Variants in NCKAP5L observed in about 807,000 individuals in gnomAD.
The protein encoded by NCKAP5L is nck-associated protein 5-like.
A neutral mutation model predicts 103.2 loss-of-function variants in NCKAP5L; 54 were observed. The ratio of observed to expected loss-of-function variants is 0.52; its 90% CI spans 0.42 to 0.66. NCKAP5L has a LOEUF of 0.66. NCKAP5L is among the 30% of genes least tolerant of loss of function. The pLI, the probability that NCKAP5L is intolerant of heterozygous loss-of-function variation, is 0.00. For synonymous variants in NCKAP5L, 762 were observed against 748.6 expected (o/e 1.02, Z -0.29); for missense variants, 1,733 against 1,750.6 (o/e 0.99, Z 0.18).
chr12:49,801,665 G>A (rs546014112), intron 6 of NCKAP5L, among the ~76,000 whole-genome samples, 183 bp downstream of exon 6: 2 of 152,302 alleles, frequency 1.3e-5, no homozygotes, highest in South Asian at 4.2e-4. Context: ...CGCTGGTGGG[G>A]AGCACTGGGA....
At chr12:49,799,437 G>A (rs535066363) in intron 6 of NCKAP5L, among the ~76,000 whole-genome samples, 16 of 151,682 alleles carry the variant, frequency 1.1e-4, no homozygotes, top group Non-Finnish European at 2.9e-5. Context: ...AGCCTCCCGA[G>A]TAGCTAGGAC....
chr12:49,803,074 A>C (rs1415406432), intron 4 of NCKAP5L, 23 bp downstream of exon 4: 1 of 1,614,218 alleles, frequency 6.2e-7, no homozygotes. Flanking sequence ...ACATCCCCCC[A>C]GTCCCACTAC....
intron 1 of NCKAP5L, among the ~76,000 whole-genome samples, chr12:49,816,236 T>C (rs879601734): frequency 2.6e-5 from 4 of 152,044 alleles, no homozygotes; most frequent in Non-Finnish European, 5.9e-5. Flanking sequence ...CCTCTGCCAG[T>C]GTACCACTCC....
chr12:49,824,614 G>C (rs1946396515), intron 1 of NCKAP5L, among the ~76,000 whole-genome samples: 4 of 152,256 alleles, frequency 2.6e-5, no homozygotes, highest in African/African-American at 9.6e-5. Context: ...TGTGTCCCCG[G>C]AGGGAACCAG....
At position 49,804,020 on chromosome 12, in the gene NCKAP5L, C is replaced by A; in HGVS notation, c.25G>T (p.Ala9Ser). The A allele has an allele frequency of 6.2e-7, 1 of 1,611,758 alleles. No individual in the cohort carries two copies. Among genetic ancestry groups the A allele is most frequent in the South Asian group, 1.1e-5 (1 of 91,080 alleles). The part of the protein sequence containing the change: MSEAMDQP[A>S]GGPGNPRPGE... The stretch of plus-strand genomic sequence containing the variant: ...GGCCTTGGGTTTCCAGGACCCCCAG[C>A]TGGCTGGTCCATGGCCTCTGACATC... Residue 9 changes from alanine (A) to serine (S), a missense_variant, in exon 3 of 13, where the codon GCT (alanine) becomes TCT (serine). By Grantham distance (99) the Ala-to-Ser change is moderately conservative. Coordinates refer to ENST00000335999, the MANE Select transcript of NCKAP5L (RefSeq NM_001037806.4).
At chr12:49,804,858 T>G (rs1946162087) in intron 2 of NCKAP5L, 1 of 152,288 alleles carries the variant, frequency 6.6e-6, no homozygotes, top group Non-Finnish European at 1.5e-5. Flanking sequence ...CAGTTGAGCC[T>G]GGGGCCTGGC....
At chr12:49,821,985 T>C (rs959080363) in intron 1 of NCKAP5L, among the ~76,000 whole-genome samples, 1 of 152,170 alleles carries the variant, frequency 6.6e-6, no homozygotes, top group Non-Finnish European at 1.5e-5. Context: ...AATCCACATG[T>C]TGAAATCCTA....
rs138397757 is a variant in NCKAP5L at position 49,799,781 on chromosome 12, G to A, written c.352-1318C>T. Among the ~76,000 whole-genome samples the A allele has an allele frequency of 9.3e-3, 1,420 of 152,256 alleles. 13 individuals are homozygous for A. Among genetic ancestry groups the A allele is most frequent in the South Asian group, 0.027 (131 of 4,816 alleles). Reference sequence around the variant, plus strand: ...TGTCTCCCTCACTGTCCCTTCACACGTACTTTGCTCCAGCCAAGCTGCACA... The same window carrying A: ...TGTCTCCCTCACTGTCCCTTCACACATACTTTGCTCCAGCCAAGCTGCACA... On this transcript the variant is annotated intron_variant, in intron 6 of 12. Coordinates refer to ENST00000335999, the MANE Select transcript of NCKAP5L (RefSeq NM_001037806.4).
Position 49,791,854 on chromosome 12 carries a change from A to G in NCKAP5L, c.3990T>C (p.Cys1330=). ...SDSLYDSLSS[C]GSQG ...GCGCAGCCCCTCAGCCCTGACTCCC[A>G]CAAGAGGACAGCGAGTCGTAGAGTG... The change falls in exon 13 of 13, where the codon TGT becomes TGC. Residue 1330 remains cysteine (C), a synonymous_variant. Transcript: ENST00000335999. 6.2e-7 allele frequency: 1 copy of G among 1,607,576 alleles called. No homozygotes were observed. The highest frequency in any genetic ancestry group is 1.7e-5 in the Admixed American group (1 of 59,454).
At chr12:49,825,117 C>A (rs1946402064) in intron 1 of NCKAP5L, among the ~76,000 whole-genome samples, 1 of 152,206 alleles carries the variant, frequency 6.6e-6, no homozygotes, top group Non-Finnish European at 1.5e-5. Flanking sequence ...CTTCAGTTTC[C>A]CCATTTTTAA....
rs1227010273 is a variant in NCKAP5L at position 49,804,014 on chromosome 12, C to T, written c.31G>A (p.Gly11Ser). The change falls in exon 3 of 13, where the codon GGT becomes AGT. Residue 11 changes from glycine to serine, a missense_variant. By Grantham distance (56) the Gly-to-Ser change is moderately conservative. Transcript: ENST00000335999. MSEAMDQPAG[G>S]PGNPRPGEGD... The stretch of plus-strand genomic sequence containing the variant: ...TCTCCTGGCCTTGGGTTTCCAGGAC[C>T]CCCAGCTGGCTGGTCCATGGCCTCT... 1 of 1,612,014 alleles carries T rather than the reference C, an allele frequency of 6.2e-7. No homozygotes were observed.
At chr12:49,794,495 C>A (rs994119677) in intron 8 of NCKAP5L, among the ~76,000 whole-genome samples, 1 of 152,198 alleles carries the variant, frequency 6.6e-6, no homozygotes, top group East Asian at 1.9e-4. Context: ...ATGCAGGCTG[C>A]CTCATCTGGT....
In NCKAP5L at chr12:49,791,735, G is replaced by A. The variant is rs1592744191; in HGVS notation, c.*104C>T. The A allele has an allele frequency of 1.0e-6, 1 of 988,456 alleles. No homozygotes were observed. The highest frequency in any genetic ancestry group is 1.4e-6 in the Non-Finnish European group (1 of 690,158). 61.2% of individuals were successfully genotyped at this position (988,456 alleles called of 1,614,324 possible). ...CACCTTCTTATCCACCTGCCTCCTT[G>A]GTCCCTTCAGGGAGGGGTCCCCGTC... On this transcript the variant is annotated 3_prime_UTR_variant, in exon 13 of 13. Coordinates refer to ENST00000335999, the MANE Select transcript of NCKAP5L (RefSeq NM_001037806.4).
intron 1 of NCKAP5L, among the ~76,000 whole-genome samples, chr12:49,809,660 C>T (rs946712679): frequency 6.6e-6 from 1 of 152,180 alleles, no homozygotes; most frequent in Admixed American, 6.5e-5. Flanking sequence ...CAACTTCTGT[C>T]CCCACAGCAA....
chr12:49,793,337 C>A lies in NCKAP5L; in HGVS notation c.3340+15G>T. 2 of 1,603,816 alleles carry A rather than the reference C, an allele frequency of 1.2e-6. No individual in the cohort carries two copies. Among genetic ancestry groups the A allele is most frequent in the Non-Finnish European group, 1.7e-6 (2 of 1,178,866 alleles). On this transcript the variant is annotated intron_variant, in intron 10 of 12. Coordinates refer to ENST00000335999, the MANE Select transcript of NCKAP5L (RefSeq NM_001037806.4). ...GGTGGGGGCAGGCCCATCCTCAGCCCCTGACCCTGCTGACCTGTGAAGTGT... is the reference window on the plus strand; with the variant it reads ...GGTGGGGGCAGGCCCATCCTCAGCCACTGACCCTGCTGACCTGTGAAGTGT...
chr12:49,827,459 C>T (rs1946430867), intron 1 of NCKAP5L, among the ~76,000 whole-genome samples: 1 of 152,256 alleles, frequency 6.6e-6, no homozygotes. Context: ...GCCCTCTGTG[C>T]CCTTGGGGCC....
rs758629606 is a variant in NCKAP5L at position 49,792,816 on chromosome 12, G to A, written c.3511C>T (p.Arg1171Cys). 36 of 1,588,824 alleles carry A rather than the reference G, an allele frequency of 2.3e-5. No individual in the cohort carries two copies. The highest frequency in any genetic ancestry group is 1.7e-4 in the Middle Eastern group (1 of 5,752). ...TCCCGCTCCAGTGTGTGGGCGCGGC[G>A]GGGGACTTTGGTAAGGGGTGGGGGC... ...ARPPPLTKVP[R>C]RAHTLEREVP... The change falls in exon 11 of 13, where the codon CGC becomes TGC. Residue 1171 changes from arginine to cysteine, a missense_variant. Coordinates refer to ENST00000335999, the MANE Select transcript of NCKAP5L (RefSeq NM_001037806.4). The surrounding 1 kb of genome is among the most constrained non-coding windows in gnomAD (Gnocchi z 4.5).
rs138756004 is a variant in NCKAP5L, at chr12:49,806,649, C to A, written c.-98-608G>T. ...TTGCCCAAGTCACATGACTACTTCA[C>A]AAAGCACACCAGACAGGCCTAGATT... is the stretch of plus-strand genomic sequence containing the variant. On this transcript the variant is annotated intron_variant, in intron 1 of 12. Coordinates refer to ENST00000335999, the MANE Select transcript of NCKAP5L (RefSeq NM_001037806.4). Among the ~76,000 whole-genome samples, 76 of 152,342 alleles carry A rather than the reference C, an allele frequency of 5.0e-4. 1 individual carries two copies. The East Asian group carries it at 0.014, about 27-fold the overall frequency.
Position 49,792,030 on chromosome 12 carries a change from G to A in NCKAP5L, c.3814C>T (p.Arg1272Ter), listed in dbSNP as rs765723885. The change falls in exon 13 of 13, where the codon CGA (arginine) becomes TGA (stop). Residue 1272 changes from arginine (R) to a stop codon, truncating the protein, a stop_gained. Coordinates refer to ENST00000335999, the MANE Select transcript of NCKAP5L (RefSeq NM_001037806.4). LOFTEE classifies it high-confidence loss of function. The surrounding 1 kb of genome is among the most constrained non-coding windows in gnomAD (Gnocchi z 4.5). Reference sequence around the variant, plus strand: ...GACGGGCGGCTGGGCTCCTGGCTTCGCTTCCGGTCCACGGGCAGGGCCTGG... The same window carrying A: ...GACGGGCGGCTGGGCTCCTGGCTTCACTTCCGGTCCACGGGCAGGGCCTGG... ...TPMALPVDRK[R>*]SQEPSRPSPT... The A allele has an allele frequency of 5.1e-6, 8 of 1,557,046 alleles. No homozygotes were observed. The highest frequency in any genetic ancestry group is 1.2e-5 in the South Asian group (1 of 82,938).
Sources: gnomAD v4.1 joint callset for allele counts (sites outside exome capture counted in the v4.1 genomes callset) on GRCh38, gnomAD v4.1.1 for gene constraint, Gnocchi (gnomAD v3.1) non-coding constraint, MANE v1.5 for transcripts, NCBI Gene and HGNC (gene_info 2026-07-23, HGNC 2026-07-21) for gene names.